Variants in RSU1 observed in about 807,000 individuals in gnomAD.
RSU1 encodes rsu-1.
In RSU1, 26 loss-of-function variants were observed where a neutral mutation model predicts 31.1. The observed-to-expected ratio is 0.84, with a 90% CI of 0.61 to 1.16. The LOEUF (loss-of-function observed/expected upper bound fraction) is 1.16. RSU1 is among the 50% of genes most tolerant of loss of function. The probability of loss-of-function intolerance (pLI) is 0.00; values close to 1 mark genes in which losing one functional copy is unlikely to be tolerated. For missense variants in RSU1, 320 were observed against 339.1 expected, an observed-to-expected ratio of 0.94 and a Z score of 0.44; for synonymous variants, 164 against 136.3, an observed-to-expected ratio of 1.20 and a Z score of -1.41.
At chr10:16,711,736 G>A (rs1350975116) in intron 7 of RSU1, among the ~76,000 whole-genome samples, 1 of 152,162 alleles carries the variant, frequency 6.6e-6, no homozygotes, top group Non-Finnish European at 1.5e-5. Context: ...TCATACCACT[G>A]TGGTTAGAAA....
chr10:16,795,155 A>C (rs892582958), intron 2 of RSU1, among the ~76,000 whole-genome samples: 2 of 152,064 alleles, frequency 1.3e-5, no homozygotes, highest in African/African-American at 4.8e-5. Flanking sequence ...GGAGTTCGAG[A>C]CCAGCCTGGC....
intron 8 of RSU1, 119 bp from the exon 9 acceptor site, chr10:16,593,615 C>A: frequency 1.3e-6 from 1 of 769,584 alleles, no homozygotes; most frequent in South Asian, 1.6e-5. Flanking sequence ...CAAAGAAAAC[C>A]AAAAGATCAC....
chr10:16,665,569 C>T (rs1017144273), intron 8 of RSU1, among the ~76,000 whole-genome samples: 70 of 152,226 alleles, frequency 4.6e-4, no homozygotes, highest in African/African-American at 1.6e-3. Context: ...CACATCTTGT[C>T]CAGATTTTTA....
intron 8 of RSU1, among the ~76,000 whole-genome samples, chr10:16,650,983 C>T (rs560231332): frequency 3.4e-4 from 51 of 152,142 alleles, no homozygotes; most frequent in Admixed American, 7.9e-4. Context: ...ACACAATTTA[C>T]GAACAAAAAT....
At chr10:16,643,745 C>T (rs1834486386) in intron 8 of RSU1, among the ~76,000 whole-genome samples, 1 of 152,088 alleles carries the variant, frequency 6.6e-6, no homozygotes, top group Non-Finnish European at 1.5e-5. Context: ...ACTAAGAGCA[C>T]CTGCCTTAAA....
chr10:16,724,862 G>C (rs1254189476), intron 7 of RSU1, among the ~76,000 whole-genome samples: 1 of 152,204 alleles, frequency 6.6e-6, no homozygotes, highest in Non-Finnish European at 1.5e-5. Context: ...ATGAAATACT[G>C]CTCTATGCAA....
rs997083821 is a variant in RSU1 at position 16,752,887 on chromosome 10, G to T, written c.483+31C>A. 3.2e-6 allele frequency: 5 copies of T among 1,580,664 alleles called. No individual in the cohort carries two copies. In the Admixed American group the frequency reaches 8.3e-5, roughly 26 times the overall value. ...CCCTACAAGGCTGCAGCAGTGAATTGATTTTCTAAGAATTTAGATAAATTA... is the reference window on the plus strand; with the variant it reads ...CCCTACAAGGCTGCAGCAGTGAATTTATTTTCTAAGAATTTAGATAAATTA... On this transcript the variant is annotated intron_variant, in intron 6 of 8. Transcript: ENST00000345264.
chr10:16,712,672 C>T (rs1836045540), intron 7 of RSU1, among the ~76,000 whole-genome samples: 1 of 152,090 alleles, frequency 6.6e-6, no homozygotes, highest in Admixed American at 6.6e-5. Context: ...TTTGTAGCCA[C>T]TAAGTGTGGT....
At chr10:16,652,423 T>G (rs2131515780) in intron 8 of RSU1, among the ~76,000 whole-genome samples, 1 of 141,704 alleles carries the variant, frequency 7.1e-6, no homozygotes, top group South Asian at 2.3e-4. Context: ...CCCGAGAATC[T>G]GGAGAAATGA....
At chr10:16,707,106 C>T (rs1835921386) in intron 7 of RSU1, among the ~76,000 whole-genome samples, 1 of 152,060 alleles carries the variant, frequency 6.6e-6, no homozygotes, top group African/African-American at 2.4e-5. Context: ...AATAATATTC[C>T]ATTATGTATA....
rs780271207 is a variant in RSU1, at chr10:16,782,086, T to G, written c.110-2A>C. On this transcript the variant is annotated splice_acceptor_variant, in intron 2 of 8. Coordinates refer to ENST00000345264, the MANE Select transcript of RSU1 (RefSeq NM_012425.4). LOFTEE classifies it high-confidence loss of function. ...GTTGTGTGATATGGGATAAGGTAAC[T>G]AAAAAGAAAAGAAAAAAAAAAAGGT... 6.3e-7 allele frequency: 1 copy of G among 1,591,548 alleles called. No individual in the cohort carries two copies. The highest frequency in any genetic ancestry group is 1.4e-5 in the African/African-American group (1 of 72,166).
At chr10:16,723,161 T>A (rs1044641142) in intron 7 of RSU1, 14 of 152,030 alleles carry the variant, frequency 9.2e-5, no homozygotes, top group Admixed American at 3.3e-4. Flanking sequence ...GCAATGTGAC[T>A]TCATTATTCT....
At chr10:16,700,962 T>C (rs1011939173) in intron 7 of RSU1, among the ~76,000 whole-genome samples, 26 of 152,324 alleles carry the variant, frequency 1.7e-4, no homozygotes, top group Non-Finnish European at 2.4e-4. Flanking sequence ...GAAATCCATA[T>C]ATGTATATGA....
chr10:16,610,816 T>A (rs1274938259), intron 8 of RSU1, among the ~76,000 whole-genome samples: 3 of 152,186 alleles, frequency 2.0e-5, no homozygotes, highest in African/African-American at 7.2e-5. Flanking sequence ...TCTACAAAAC[T>A]GGTGCCTGGT....
At chr10:16,767,954 G>A (rs2019393) in intron 3 of RSU1, among the ~76,000 whole-genome samples, 2 of 151,992 alleles carry the variant, frequency 1.3e-5, no homozygotes, top group East Asian at 1.9e-4. Flanking sequence ...ACAATTTTAG[G>A]TATTCCAAAA....
chr10:16,798,704 A>G (rs1285724680), intron 2 of RSU1, among the ~76,000 whole-genome samples: 2 of 152,204 alleles, frequency 1.3e-5, no homozygotes, highest in Non-Finnish European at 2.9e-5. Context: ...TACAATTTTC[A>G]AACTTTAAAG....
rs549642521 is a variant in RSU1 at position 16,629,888 on chromosome 10, C to A, written c.732-36392G>T. On this transcript the variant is annotated intron_variant, in intron 8 of 8. Coordinates refer to ENST00000345264, the MANE Select transcript of RSU1 (RefSeq NM_012425.4). The stretch of plus-strand genomic sequence containing the variant: ...CCAGACAGTCCTGTATGATGAATAA[C>A]GATTGAGCTGCAACATTAGACAAAA... Among the ~76,000 whole-genome samples, 4 of 152,230 alleles carry A rather than the reference C, an allele frequency of 2.6e-5. No homozygotes were observed. The South Asian group carries it at 6.2e-4, about 24-fold the overall frequency.
intron 3 of RSU1, among the ~76,000 whole-genome samples, chr10:16,777,101 C>T (rs1182272586): frequency 1.3e-5 from 2 of 152,024 alleles, no homozygotes; most frequent in Non-Finnish European, 2.9e-5. Context: ...GAATGCAATT[C>T]ATTTCCTGTT....
In RSU1 at chr10:16,593,418, T is replaced by G. The variant is rs1588663764; in HGVS notation, c.810A>C (p.Lys270Asn). The change falls in exon 9 of 9, where the codon AAA becomes AAC. Residue 270 changes from lysine (K) to asparagine (N), a missense_variant. Transcript: ENST00000345264. The part of the protein sequence containing the change: ...NNDKSKKISR[K>N]PLAAKNR The stretch of plus-strand genomic sequence containing the variant: ...CTTATCTGTTCTTGGCTGCCAGGGG[T>G]TTCCGGCTGATCTTTTTCGATTTGT... The G allele has an allele frequency of 1.2e-6, 2 of 1,614,040 alleles. No individual in the cohort carries two copies. Among genetic ancestry groups the G allele is most frequent in the South Asian group, 2.2e-5 (2 of 91,056 alleles).
Sources: allele counts gnomAD v4.1 joint callset (sites outside exome capture counted in the v4.1 genomes callset), GRCh38; gene constraint gnomAD v4.1.1; transcripts MANE v1.5; gene names NCBI Gene and HGNC (gene_info 2026-07-23, HGNC 2026-07-21).